Variants in SPNS3 observed in about 807,000 individuals in gnomAD.
SPNS3 encodes protein spinster homolog 3.
In SPNS3, 51 loss-of-function variants were observed where a neutral mutation model predicts 54.4. The ratio of observed to expected loss-of-function variants is 0.94; its 90% CI spans 0.75 to 1.18. The LOEUF (loss-of-function observed/expected upper bound fraction) is 1.18. Among genes scored for constraint, SPNS3 ranks in the 50% most tolerant of loss-of-function variants. The pLI, the probability that SPNS3 is intolerant of heterozygous loss-of-function variation, is 0.00. For synonymous variants in SPNS3, 309 were observed against 294.7 expected (o/e 1.05, Z -0.50); for missense variants, 669 against 677.4 (o/e 0.99, Z 0.14).
At chr17:4,477,803 C>T (rs1972042987) in intron 8 of SPNS3, among the ~76,000 whole-genome samples, 1 of 152,056 alleles carries the variant, frequency 6.6e-6, no homozygotes, top group South Asian at 2.1e-4. Flanking sequence ...AAGGGGATGG[C>T]CCGGAGGGTC....
In SPNS3 at chr17:4,448,154, G is replaced by A; in HGVS notation, c.622-1G>A. On this transcript the variant is annotated splice_acceptor_variant, in intron 5 of 11. Transcript: ENST00000355530. LOFTEE classifies it high-confidence loss of function. ...AGCTTCCTGGGCCCTCCTGTCCCCA[G>A]GTCATGCCCTGCCTGGAGGCCGTGG... is the stretch of plus-strand genomic sequence containing the variant. 1 of 1,588,808 alleles carries A rather than the reference G, an allele frequency of 6.3e-7. No homozygotes were observed. The highest frequency in any genetic ancestry group is 8.5e-7 in the Non-Finnish European group (1 of 1,169,724).
At chr17:4,472,820 G>A (rs1365908971) in intron 8 of SPNS3, among the ~76,000 whole-genome samples, 1 of 95,138 alleles carries the variant, frequency 1.1e-5, no homozygotes, top group Non-Finnish European at 1.9e-5. Flanking sequence ...GGATTTTGCT[G>A]TCACCCAGGC....
chr17:4,445,205 C>G (rs750791764), intron 3 of SPNS3, 37 bp downstream of exon 3: 1 of 1,570,740 alleles, frequency 6.4e-7, no homozygotes, highest in South Asian at 1.2e-5. Context: ...CCCTGAGGCC[C>G]CTTCCCCACC....
At chr17:4,455,921 G>A (rs77894610) in intron 8 of SPNS3, among the ~76,000 whole-genome samples, 103,185 of 151,528 alleles carry the variant, frequency 0.68, 37,220 homozygotes, top group Non-Finnish European at 0.79. Context: ...CCTCTGTGGG[G>A]GGGGGGTGAG....
intron 2 of SPNS3, among the ~76,000 whole-genome samples, chr17:4,443,612 A>G (rs1338794654): frequency 6.6e-6 from 1 of 152,234 alleles, no homozygotes; most frequent in Non-Finnish European, 1.5e-5. Flanking sequence ...CAAACAAGGG[A>G]ATAGCACTGT....
intron 11 of SPNS3, 55 bp from the exon 12 acceptor site, chr17:4,487,751 G>T: frequency 6.4e-7 from 1 of 1,557,306 alleles, no homozygotes; most frequent in Non-Finnish European, 8.9e-7. Flanking sequence ...CCCAGGCCTG[G>T]TCCCAAAGCA....
At chr17:4,448,094 G>A (rs1230073040) in intron 5 of SPNS3, 61 bp from the exon 6 acceptor site, 15 of 1,472,356 alleles carry the variant, frequency 1.0e-5, no homozygotes, top group South Asian at 4.1e-5. Context: ...AGTTGCCCCC[G>A]GGGGTCCCTT....
intron 11 of SPNS3, among the ~76,000 whole-genome samples, chr17:4,487,065 A>G (rs1444921155): frequency 6.7e-6 from 1 of 150,174 alleles, no homozygotes; most frequent in Non-Finnish European, 1.5e-5. Context: ...CCAGCTACTC[A>G]GGAGGCTGAG....
chr17:4,458,633 C>CTTTA (rs1337605118), intron 8 of SPNS3, among the ~76,000 whole-genome samples: 3 of 128,014 alleles, frequency 2.3e-5, no homozygotes, highest in African/African-American at 8.8e-5. Flanking sequence ...TTCTTTCTTT[C>CTTTA]TTTCTTTCTT....
At chr17:4,435,364 G>GTGAGCCGAGATCCCACCAT (rs1282640032) in intron 1 of SPNS3, among the ~76,000 whole-genome samples, 6 of 150,524 alleles carry the variant, frequency 4.0e-5, no homozygotes, top group African/African-American at 1.2e-4. Flanking sequence ...GGATGTTGCA[G>GTGAGCCGAGATCCCACCAT]TGAGCCGAGA....
At chr17:4,473,864 C>G (rs1971920933) in intron 8 of SPNS3, among the ~76,000 whole-genome samples, 1 of 152,160 alleles carries the variant, frequency 6.6e-6, no homozygotes, top group Non-Finnish European at 1.5e-5. Context: ...GGGATCTGCT[C>G]TGTGGCCCCT....
At chr17:4,434,211 C>T (rs1253923468) in intron 1 of SPNS3, 45 bp downstream of exon 1, 2 of 1,540,184 alleles carry the variant, frequency 1.3e-6, no homozygotes, top group East Asian at 2.3e-5. Context: ...CTGCTGTGCC[C>T]ACCAGCCAGG....
At chr17:4,476,244 G>A (rs896345255) in intron 8 of SPNS3, among the ~76,000 whole-genome samples, 2 of 152,200 alleles carry the variant, frequency 1.3e-5, no homozygotes, top group African/African-American at 2.4e-5. Flanking sequence ...TTGTTGGTGC[G>A]GTGCCGGCCT....
At chr17:4,463,375 C>T (rs1336164254) in intron 8 of SPNS3, among the ~76,000 whole-genome samples, 1 of 121,470 alleles carries the variant, frequency 8.2e-6, no homozygotes, top group African/African-American at 3.1e-5. Flanking sequence ...CTAGCCTGGG[C>T]AACAAAGCAA....
chr17:4,448,915 G>C (rs1427007977), intron 6 of SPNS3, among the ~76,000 whole-genome samples: 4 of 152,164 alleles, frequency 2.6e-5, no homozygotes, highest in Non-Finnish European at 5.9e-5. Context: ...AGGATGGGGA[G>C]ATTTGGTCCT....
chr17:4,486,474 G>C lies in SPNS3; in HGVS notation c.1341G>C (p.Gln447His), dbSNP rs140593042. 1.2e-6 allele frequency: 2 copies of C among 1,613,432 alleles called. No individual in the cohort carries two copies. Among genetic ancestry groups the C allele is most frequent in the African/African-American group, 2.7e-5 (2 of 74,934 alleles). ...ATCTGCAGCGCTTCCGCAGCCTGCA[G>C]CAGAGCTTCCTGTGCTGCGCCTTTG... The part of the protein sequence containing the change: ...DSYLQRFRSL[Q>H]QSFLCCAFVI... Residue 447 changes from glutamine (Q) to histidine (H), a missense_variant, in exon 11 of 12, where the codon CAG becomes CAC. Transcript: ENST00000355530. This position sits in a 1 kb window ranked among gnomAD's most constrained non-coding sequence, Gnocchi z 5.5.
At chr17:4,440,381 G>T (rs117435079) in intron 2 of SPNS3, among the ~76,000 whole-genome samples, 2 of 152,290 alleles carry the variant, frequency 1.3e-5, no homozygotes, top group East Asian at 3.9e-4. Context: ...CACCCAGGCT[G>T]TAACCAGCAG....
intron 2 of SPNS3, among the ~76,000 whole-genome samples, chr17:4,443,052 A>G (rs1044894028): frequency 3.3e-5 from 5 of 150,302 alleles, no homozygotes; most frequent in Non-Finnish European, 7.4e-5. Context: ...ATATATACAT[A>G]TTTGTTGTTG....
rs1972376173 is a variant in SPNS3 at position 4,488,190 on chromosome 17, G to A, written c.*296G>A. On this transcript the variant is annotated 3_prime_UTR_variant, in exon 12 of 12. Coordinates refer to ENST00000355530, the MANE Select transcript of SPNS3 (RefSeq NM_182538.5). Reference sequence around the variant, plus strand: ...AAGAGAGGCCAGTACAAAGCCCATGGATTTTGGGCCTGTAGACAGCCGTGT... The same window carrying A: ...AAGAGAGGCCAGTACAAAGCCCATGAATTTTGGGCCTGTAGACAGCCGTGT... The A allele has an allele frequency of 2.4e-6, 1 of 416,206 alleles. No individual in the cohort carries two copies. Among genetic ancestry groups the A allele is most frequent in the South Asian group, 3.0e-5 (1 of 33,294 alleles). The allele number at this position is 416,206 out of a possible 1,614,324, so 25.8% of individuals were successfully genotyped here. A position where few individuals can be genotyped will look rare whatever the true frequency, so the allele number is the denominator to read the frequency against.
Sources: allele counts gnomAD v4.1 joint callset (sites outside exome capture counted in the v4.1 genomes callset), GRCh38; gene constraint gnomAD v4.1.1; non-coding constraint Gnocchi (gnomAD v3.1); transcripts MANE v1.5; gene names NCBI Gene and HGNC (gene_info 2026-07-23, HGNC 2026-07-21).